Variants in APOO observed in about 807,000 individuals in gnomAD.
APOO encodes the protein MICOS complex subunit MIC26.
Under a neutral mutation model 23.1 loss-of-function variants are expected in APOO, and 11 were observed. That is an observed-to-expected ratio of 0.48 (90% confidence interval 0.30 to 0.79). APOO has a LOEUF of 0.79. Ranked by LOEUF, APOO falls within the 30% of genes least tolerant of loss-of-function variation. The pLI is 0.07. For missense variants in APOO, 160 were observed against 142.7 expected, an observed-to-expected ratio of 1.12 and a Z score of -0.62; for synonymous variants, 59 against 54.8, an observed-to-expected ratio of 1.08 and a Z score of -0.34.
At chrX:23,892,357 C>A (rs922126317) in intron 1 of APOO, among the ~76,000 whole-genome samples, 2 of 109,161 alleles carry the variant, frequency 1.8e-5, no homozygotes, top group Non-Finnish European at 3.8e-5. Flanking sequence ...CGGATTCAAG[C>A]GATTCTCCTG....
chrX:23,882,095 CT>C, intron 1 of APOO, among the ~76,000 whole-genome samples: 1 of 111,187 alleles, frequency 9.0e-6, no homozygotes, highest in East Asian at 2.8e-4. Context: ...ACCACATGAA[CT>C]AATGTCAGCA....
At chrX:23,844,880 C>T (rs9887258) in intron 7 of APOO, among the ~76,000 whole-genome samples, 10,222 of 112,108 alleles carry the variant, frequency 0.091, 457 homozygotes, top group South Asian at 0.19. Context: ...CAGGCAGAAG[C>T]GAAAATGTGC....
chrX:23,892,127 A>G (rs57799775), intron 1 of APOO, among the ~76,000 whole-genome samples: 99 of 109,611 alleles, frequency 9.0e-4, no homozygotes, highest in African/African-American at 3.1e-3. Context: ...TCTTTCACCC[A>G]GGCTGGAGTG....
chrX:23,865,758 C>T (rs73625187), intron 5 of APOO, among the ~76,000 whole-genome samples: 177 of 111,323 alleles, frequency 1.6e-3, no homozygotes, highest in African/African-American at 5.5e-3. Flanking sequence ...TTGGTGAACC[C>T]CTCTGATGCT....
At chrX:23,864,712 A>T (rs1925259757) in intron 5 of APOO, among the ~76,000 whole-genome samples, 1 of 112,311 alleles carries the variant, frequency 8.9e-6, no homozygotes. Flanking sequence ...TGCTGAAGAG[A>T]ATACAAATGT....
intron 1 of APOO, among the ~76,000 whole-genome samples, chrX:23,884,550 T>C (rs1926285106): frequency 8.9e-6 from 1 of 112,185 alleles, no homozygotes; most frequent in Non-Finnish European, 1.9e-5. Flanking sequence ...CTAATTAACA[T>C]ATGCACTACC....
chrX:23,844,608 C>T (rs1362523201), intron 7 of APOO, among the ~76,000 whole-genome samples: 2 of 110,970 alleles, frequency 1.8e-5, no homozygotes, highest in South Asian at 3.8e-4. Flanking sequence ...CCTACAGCCT[C>T]GAGGAACTGA....
chrX:23,867,553 T>C (rs1925399792), intron 5 of APOO, among the ~76,000 whole-genome samples: 1 of 111,674 alleles, frequency 9.0e-6, no homozygotes, highest in Admixed American at 9.6e-5. Context: ...CTCTTTTTTT[T>C]TTCTTTTGAG....
At chrX:23,883,041 T>C (rs1926215476) in intron 1 of APOO, among the ~76,000 whole-genome samples, 1 of 110,926 alleles carries the variant, frequency 9.0e-6, no homozygotes, top group African/African-American at 3.3e-5. Flanking sequence ...ATACTGCCAC[T>C]GCACTCCAGC....
At chrX:23,886,535 T>C (rs753164936) in intron 1 of APOO, among the ~76,000 whole-genome samples, 3 of 112,004 alleles carry the variant, frequency 2.7e-5, no homozygotes, top group Non-Finnish European at 3.8e-5. Context: ...GCCAAGCTCA[T>C]TCCTAAGGAG....
chrX:23,859,295 T>C (rs138969025), intron 5 of APOO, among the ~76,000 whole-genome samples: 1 of 111,836 alleles, frequency 8.9e-6, no homozygotes, highest in East Asian at 2.8e-4. Flanking sequence ...GACAGAGGTG[T>C]GTAACCATCA....
chrX:23,867,808 C>CT (rs916251187), intron 5 of APOO, among the ~76,000 whole-genome samples: 2 of 111,484 alleles, frequency 1.8e-5, no homozygotes, highest in African/African-American at 6.5e-5. Context: ...TCCCAAAGTG[C>CT]TGGGATTACA....
In APOO at chrX:23,844,147, C is replaced by T. The variant is rs777646958; in HGVS notation, c.562-3770G>A. ...GACTCTTCCTGAGCAAAGAGTTTAG[C>T]GCCAAGGGCCAAGCTCACAGCAAGT... On this transcript the variant is annotated intron_variant, in intron 7 of 8. Coordinates refer to ENST00000379226, the MANE Select transcript of APOO (RefSeq NM_024122.5). 8.0e-5 allele frequency among the ~76,000 whole-genome samples: 9 copies of T among 112,030 alleles called. No individual in the cohort carries two copies. The South Asian group carries it at 2.9e-3, about 37-fold the overall frequency.
chrX:23,863,498 G>A (rs754727127), intron 5 of APOO, among the ~76,000 whole-genome samples: 10 of 111,681 alleles, frequency 9.0e-5, no homozygotes, highest in Admixed American at 4.8e-4. Context: ...CATCTACAAC[G>A]CCAGATGCTA....
chrX:23,898,732 T>A (rs1927009820), intron 1 of APOO, among the ~76,000 whole-genome samples: 1 of 111,626 alleles, frequency 9.0e-6, no homozygotes, highest in Non-Finnish European at 1.9e-5. Flanking sequence ...AGGTAAACCA[T>A]CAACAGACAA....
Position 23,853,207 on chromosome X carries a change from G to A in APOO, c.561+3095C>T, listed in dbSNP as rs755918558. On this transcript the variant is annotated intron_variant, in intron 7 of 8. Transcript: ENST00000379226. ...CGGGAGGTGGAGGTTGCAGTAAGCC[G>A]AGATCGTGCCACTGCACTCCAGCCT... Among the ~76,000 whole-genome samples the A allele has an allele frequency of 2.0e-4, 22 of 111,212 alleles. No homozygotes were observed. In the Middle Eastern group the frequency reaches 0.014, roughly 69 times the overall value.
At chrX:23,850,411 A>G (rs1416343162) in intron 7 of APOO, among the ~76,000 whole-genome samples, 1 of 112,462 alleles carries the variant, frequency 8.9e-6, no homozygotes, top group Non-Finnish European at 1.9e-5. Flanking sequence ...GAAGATATGC[A>G]GACCCTATGA....
chrX:23,903,687 A>C (rs1047863243), intron 1 of APOO, among the ~76,000 whole-genome samples: 8 of 112,407 alleles, frequency 7.1e-5, no homozygotes, highest in Non-Finnish European at 1.5e-4. Flanking sequence ...AAAGACATAA[A>C]GAACAACCCC....
chrX:23,870,997 G>A (rs1925587059), intron 4 of APOO, among the ~76,000 whole-genome samples: 1 of 109,824 alleles, frequency 9.1e-6, no homozygotes. Context: ...GCTGAGGCAG[G>A]AGAATCGCTT....
Sources: gnomAD v4.1 joint callset for allele counts (sites outside exome capture counted in the v4.1 genomes callset) on GRCh38, gnomAD v4.1.1 for gene constraint, MANE v1.5 for transcripts, NCBI Gene and HGNC (gene_info 2026-07-23, HGNC 2026-07-21) for gene names.